CHLSN: variants seen among roughly 807,000 people sequenced by gnomAD.
CHLSN encodes the protein cholesin.
chr7:1,058,716 A>G, the CHLSN span: 1 of 597,924 alleles, frequency 1.7e-6, no homozygotes, highest in Non-Finnish European at 3.0e-6. Context: ...ATCTGGCTTG[A>G]GTCTCCCCGA....
the CHLSN span, chr7:1,057,688 G>C: frequency 2.6e-6 from 2 of 773,476 alleles, no homozygotes; most frequent in Non-Finnish European, 2.4e-6. Context: ...AGCAAGGCCA[G>C]CATGACCATG....
the CHLSN span, among the ~76,000 whole-genome samples, chr7:1,054,942 G>C: frequency 2.6e-5 from 4 of 152,228 alleles, no homozygotes; most frequent in African/African-American, 7.2e-5. Context: ...CCCTTCTGTT[G>C]ATTTCCTCAC....
the CHLSN span, among the ~76,000 whole-genome samples, chr7:1,001,230 T>C: frequency 3.3e-5 from 5 of 152,222 alleles, no homozygotes; most frequent in African/African-American, 1.2e-4. Flanking sequence ...TCCATCAGTG[T>C]GCAAGCCCAG....
chr7:1,104,997 A>G, the CHLSN span, among the ~76,000 whole-genome samples: 1 of 152,250 alleles, frequency 6.6e-6, no homozygotes, highest in Non-Finnish European at 1.5e-5. Context: ...AACAGTCAGG[A>G]AGTGGAGATA....
chr7:1,117,331 C>T, the CHLSN span, among the ~76,000 whole-genome samples: 1 of 108,166 alleles, frequency 9.2e-6, no homozygotes, highest in East Asian at 2.3e-4. Context: ...GCTTCCATCA[C>T]CGACGCCCAC....
the CHLSN span, chr7:997,797 TCGGGAACCTGGA>T: frequency 6.2e-7 from 1 of 1,603,810 alleles, no homozygotes; most frequent in South Asian, 1.1e-5. Flanking sequence ...GAAGTGCTCA[TCGGGAACCTGGA>T]CGGGAAAGAG....
At chr7:992,295 C>T in the CHLSN span, among the ~76,000 whole-genome samples, 1 of 152,206 alleles carries the variant, frequency 6.6e-6, no homozygotes, top group Admixed American at 6.5e-5. Flanking sequence ...CCGTGCTGCA[C>T]GTGCCTCCCA....
At chr7:1,014,273 C>A in the CHLSN span, among the ~76,000 whole-genome samples, 1 of 152,228 alleles carries the variant, frequency 6.6e-6, no homozygotes, top group African/African-American at 2.4e-5. Context: ...GAGAAGCTGA[C>A]ACTGTTTGAG....
At chr7:1,063,805 G>A in the CHLSN span, among the ~76,000 whole-genome samples, 3 of 152,238 alleles carry the variant, frequency 2.0e-5, no homozygotes, top group South Asian at 2.1e-4. Flanking sequence ...GTCCTTCCTG[G>A]TTTGATCTGA....
At chr7:990,756 A>G in the CHLSN span, among the ~76,000 whole-genome samples, 1 of 152,022 alleles carries the variant, frequency 6.6e-6, no homozygotes, top group Admixed American at 6.6e-5. Context: ...CAGACATTTG[A>G]AATATGACAC....
chr7:1,077,407 G>A, the CHLSN span, among the ~76,000 whole-genome samples: 4 of 152,292 alleles, frequency 2.6e-5, no homozygotes, highest in South Asian at 2.1e-4. Context: ...CGCCCGCCTC[G>A]GCCTCCCAGA....
chr7:1,132,264 G>A, the CHLSN span, among the ~76,000 whole-genome samples: 1 of 152,194 alleles, frequency 6.6e-6, no homozygotes, highest in Non-Finnish European at 1.5e-5. Context: ...AGAAAGTAAA[G>A]AGGCTGAGTG....
At chr7:1,006,797 C>T in the CHLSN span, among the ~76,000 whole-genome samples, 1 of 152,130 alleles carries the variant, frequency 6.6e-6, no homozygotes, top group Non-Finnish European at 1.5e-5. Context: ...AGGGAAAGAG[C>T]GCATGACGGC....
the CHLSN span, among the ~76,000 whole-genome samples, chr7:1,000,972 G>C: frequency 3.0e-3 from 461 of 152,314 alleles, 1 homozygote; most frequent in African/African-American, 0.01. Context: ...CTGAGTCCCA[G>C]GCCCTCACAA....
chr7:1,029,812 G>A, the CHLSN span, among the ~76,000 whole-genome samples: 1 of 152,242 alleles, frequency 6.6e-6, no homozygotes, highest in African/African-American at 2.4e-5. Flanking sequence ...GCCTGGGGCT[G>A]GCTGTTTTCC....
At chr7:1,053,235 C>T in the CHLSN span, among the ~76,000 whole-genome samples, 3 of 152,262 alleles carry the variant, frequency 2.0e-5, no homozygotes, top group Non-Finnish European at 4.4e-5. Flanking sequence ...CAGGCTCCCA[C>T]AGAACCCCTC....
the CHLSN span, among the ~76,000 whole-genome samples, chr7:1,126,268 G>A: frequency 6.6e-6 from 1 of 150,514 alleles, no homozygotes; most frequent in South Asian, 2.1e-4. Flanking sequence ...GGCTGAGACA[G>A]GAGAGTGCAT....
the CHLSN span, among the ~76,000 whole-genome samples, chr7:1,136,335 TATAAAC>T: frequency 1.1e-4 from 12 of 106,546 alleles, no homozygotes; most frequent in African/African-American, 2.5e-4. Context: ...TATATAAATA[TATAAAC>T]ATATAAATAT....
At chr7:1,109,840 A>C in the CHLSN span, among the ~76,000 whole-genome samples, 1 of 152,192 alleles carries the variant, frequency 6.6e-6, no homozygotes, top group Non-Finnish European at 1.5e-5. Context: ...CTTTCGGTCC[A>C]GATGCCAGCA....
Sources: allele counts gnomAD v4.1 joint callset (sites outside exome capture counted in the v4.1 genomes callset), GRCh38; gene constraint gnomAD v4.1.1; transcripts MANE v1.5; gene names NCBI Gene and HGNC (gene_info 2026-07-23, HGNC 2026-07-21).